PTPRD: variants seen among roughly 807,000 people sequenced by gnomAD.
PTPRD encodes protein tyrosine phosphatase receptor type D, also known as receptor-type tyrosine-protein phosphatase delta.
A neutral mutation model predicts 214.5 loss-of-function variants in PTPRD; 34 were observed. That is an observed-to-expected ratio of 0.16 (90% CI 0.12 to 0.21). PTPRD has a LOEUF of 0.21. Among genes scored for constraint, PTPRD ranks in the 10% least tolerant of loss-of-function variants. The probability of loss-of-function intolerance (pLI) is 1.00; values close to 1 mark genes in which losing one functional copy is unlikely to be tolerated. For missense variants in PTPRD, 2,545 were observed against 2,398.7 expected (o/e 1.06, Z -1.27); for synonymous variants, 1,128 against 845.7 (o/e 1.33, Z -5.79).
chr9:8,887,032 C>T (rs945994874), intron 11 of PTPRD, among the ~76,000 whole-genome samples: 4 of 152,192 alleles, frequency 2.6e-5, no homozygotes, highest in Non-Finnish European at 5.9e-5. Context: ...ACTCAATCCA[C>T]AAAATCATCT....
chr9:8,436,544 G>A, intron 35 of PTPRD, 48 bp downstream of exon 35: 1 of 1,411,824 alleles, frequency 7.1e-7, no homozygotes, highest in Non-Finnish European at 1.0e-6. Context: ...CAAAAAAAGA[G>A]AAGAGTAACT....
chr9:8,789,885 A>C (rs1334187898), intron 11 of PTPRD, among the ~76,000 whole-genome samples: 1 of 152,222 alleles, frequency 6.6e-6, no homozygotes, highest in Admixed American at 6.5e-5. Context: ...TTGAATCTGG[A>C]GGGTAGAAAG....
rs763141884 is a variant in PTPRD at position 8,465,650 on chromosome 9, C to A, written c.3530G>T (p.Arg1177Leu). The A allele has an allele frequency of 1.9e-6, 3 of 1,611,636 alleles. No individual in the cohort carries two copies. The highest frequency in any genetic ancestry group is 2.7e-5 in the African/African-American group (2 of 74,712). The change falls in exon 32 of 46, where the codon CGC (arginine) becomes CTC (leucine). Residue 1177 changes from arginine (R) to leucine (L), a missense_variant. Coordinates refer to ENST00000381196, the MANE Select transcript of PTPRD (RefSeq NM_002839.4). ...DELLKEISRK[R>L]RSIRYGREVE... ...TTCTCTCCCATAACGGATGCTTCTG[C>A]GCTTCCTAGATATCTCCTTAAGCAG...
At chr9:8,702,890 A>T (rs1398232133) in intron 12 of PTPRD, among the ~76,000 whole-genome samples, 2 of 152,230 alleles carry the variant, frequency 1.3e-5, no homozygotes, top group Non-Finnish European at 2.9e-5. Context: ...TACAGGCGTG[A>T]GCCACTGCGC....
intron 3 of PTPRD, among the ~76,000 whole-genome samples, chr9:10,145,640 T>C (rs34622507): frequency 0.083 from 12,587 of 152,128 alleles, 668 homozygotes; most frequent in East Asian, 0.16. Flanking sequence ...AGTAAAAACT[T>C]ATACATGGAT....
At chr9:9,809,292 C>T (rs55878558) in intron 5 of PTPRD, among the ~76,000 whole-genome samples, 23,766 of 142,138 alleles carry the variant, frequency 0.17, 2,092 homozygotes, top group Non-Finnish European at 0.19. Flanking sequence ...TTTTCAGACG[C>T]AGTCTCACTC....
intron 14 of PTPRD, 67 bp downstream of exon 14, chr9:8,633,250 T>G: frequency 6.5e-7 from 1 of 1,546,652 alleles, no homozygotes; most frequent in East Asian, 2.3e-5. Context: ...GTCTTTTCAA[T>G]GATGCTACAA....
At chr9:9,621,278 G>A (rs1026266796) in intron 7 of PTPRD, among the ~76,000 whole-genome samples, 2 of 152,132 alleles carry the variant, frequency 1.3e-5, no homozygotes, top group African/African-American at 4.8e-5. Flanking sequence ...TATTTTTAGA[G>A]TTTTATTTCA....
intron 7 of PTPRD, among the ~76,000 whole-genome samples, chr9:9,654,701 G>A (rs1207064124): frequency 6.6e-6 from 1 of 152,168 alleles, no homozygotes; most frequent in African/African-American, 2.4e-5. Flanking sequence ...AGTTTAGCTA[G>A]AAGGAGTAAC....
At chr9:9,548,464 G>T (rs2079370822) in intron 8 of PTPRD, among the ~76,000 whole-genome samples, 1 of 145,872 alleles carries the variant, frequency 6.9e-6, no homozygotes, top group Non-Finnish European at 1.5e-5. Flanking sequence ...CTGGAGGGCA[G>T]TGACATGATC....
intron 5 of PTPRD, among the ~76,000 whole-genome samples, chr9:9,823,953 G>A (rs780526953): frequency 6.6e-6 from 1 of 151,898 alleles, no homozygotes; most frequent in African/African-American, 2.4e-5. Flanking sequence ...CACATTTTAT[G>A]TTTGTATCAA....
intron 4 of PTPRD, among the ~76,000 whole-genome samples, chr9:10,022,771 G>C (rs1421760521): frequency 6.6e-6 from 1 of 152,098 alleles, no homozygotes; most frequent in Non-Finnish European, 1.5e-5. Context: ...CTATAAAGGG[G>C]AGCCAAAATG....
chr9:8,397,238 G>A (rs538291760), intron 36 of PTPRD, among the ~76,000 whole-genome samples: 1 of 152,188 alleles, frequency 6.6e-6, no homozygotes, highest in South Asian at 2.1e-4. Context: ...ATTCACTAGT[G>A]ACTGGGAAAG....
At chr9:9,380,535 A>G (rs10435828) in intron 9 of PTPRD, among the ~76,000 whole-genome samples, 36,373 of 151,932 alleles carry the variant, frequency 0.24, 4,432 homozygotes, top group Middle Eastern at 0.38. Flanking sequence ...TTGATTTGTG[A>G]TATGAAAGCA....
intron 2 of PTPRD, among the ~76,000 whole-genome samples, chr9:10,509,833 T>C (rs2047404072): frequency 6.6e-6 from 1 of 151,728 alleles, no homozygotes; most frequent in South Asian, 2.1e-4. Flanking sequence ...TATGCATGTA[T>C]ACCAACTCAT....
intron 3 of PTPRD, among the ~76,000 whole-genome samples, chr9:10,338,045 T>C (rs989273525): frequency 3.3e-5 from 5 of 151,710 alleles, no homozygotes; most frequent in African/African-American, 1.2e-4. Context: ...TAAAGAGTCA[T>C]GAAGTAAGTT....
At chr9:9,575,717 C>CAAAAAAAA (rs757614546) in intron 7 of PTPRD, among the ~76,000 whole-genome samples, 243 of 33,264 alleles carry the variant, frequency 7.3e-3, no homozygotes, top group East Asian at 0.015. Context: ...AAGACTGTCT[C>CAAAAAAAA]AAAAAAAAAA....
intron 4 of PTPRD, among the ~76,000 whole-genome samples, chr9:10,019,323 T>A (rs2096794523): frequency 6.6e-6 from 1 of 152,158 alleles, no homozygotes; most frequent in Non-Finnish European, 1.5e-5. Context: ...TTTTACACTG[T>A]TGGTGGGACT....
At chr9:9,967,897 G>A (rs2094818379) in intron 4 of PTPRD, among the ~76,000 whole-genome samples, 1 of 152,034 alleles carries the variant, frequency 6.6e-6, no homozygotes, top group Admixed American at 6.6e-5. Context: ...TAGAAGCTTT[G>A]TTTTCAATAT....
Sources: allele counts gnomAD v4.1 joint callset (sites outside exome capture counted in the v4.1 genomes callset), GRCh38; gene constraint gnomAD v4.1.1; transcripts MANE v1.5; gene names NCBI Gene and HGNC (gene_info 2026-07-23, HGNC 2026-07-21).